Variants in SPOCK1 observed in about 807,000 individuals in gnomAD.
SPOCK1 encodes the protein SPARC (osteonectin), cwcv and kazal like domains proteoglycan 1, also known as testican-1.
SPOCK1 carries 23 observed loss-of-function variants against 55.3 expected under a neutral mutation model. The observed-to-expected ratio is 0.42, with a 90% CI of 0.30 to 0.59. SPOCK1 has a LOEUF of 0.59. Among genes scored for constraint, SPOCK1 ranks in the 20% least tolerant of loss-of-function variants. The pLI is 0.22. For missense variants in SPOCK1, 499 were observed against 552.5 expected, an observed-to-expected ratio of 0.90 and a Z score of 0.97; for synonymous variants, 226 against 221.0, an observed-to-expected ratio of 1.02 and a Z score of -0.20.
At chr5:137,259,818 T>A (rs1053452755) in intron 3 of SPOCK1, among the ~76,000 whole-genome samples, 6 of 152,172 alleles carry the variant, frequency 3.9e-5, no homozygotes, top group Admixed American at 1.3e-4. Flanking sequence ...CAGCTCACAG[T>A]GTCCCATAGG....
intron 6 of SPOCK1, among the ~76,000 whole-genome samples, chr5:137,043,185 A>T (rs559100330): frequency 1.3e-5 from 2 of 152,328 alleles, no homozygotes; most frequent in African/African-American, 4.8e-5. Flanking sequence ...GTGCCAAATG[A>T]CCAAAGCTGG....
chr5:137,058,475 A>G (rs1006755836), intron 6 of SPOCK1, among the ~76,000 whole-genome samples: 1 of 152,270 alleles, frequency 6.6e-6, no homozygotes, highest in South Asian at 2.1e-4. Context: ...TATTTTAAAC[A>G]TTGTATATTA....
chr5:137,444,064 G>A (rs1052699105), intron 2 of SPOCK1, among the ~76,000 whole-genome samples: 1 of 152,152 alleles, frequency 6.6e-6, no homozygotes, highest in Admixed American at 6.5e-5. Context: ...CCCATGAAGA[G>A]CGAGCCTCAG....
chr5:137,152,513 C>A (rs1435484835), intron 3 of SPOCK1, among the ~76,000 whole-genome samples: 1 of 152,186 alleles, frequency 6.6e-6, no homozygotes, highest in Non-Finnish European at 1.5e-5. Flanking sequence ...GGGGCAAAAT[C>A]TTTCTTTTTT....
intron 2 of SPOCK1, among the ~76,000 whole-genome samples, chr5:137,425,024 A>T (rs1158890544): frequency 2.0e-5 from 3 of 152,266 alleles, no homozygotes; most frequent in African/African-American, 7.2e-5. Flanking sequence ...TTATCAATAC[A>T]AGCTTCCCAT....
At chr5:137,442,306 G>A (rs1753032263) in intron 2 of SPOCK1, among the ~76,000 whole-genome samples, 1 of 152,208 alleles carries the variant, frequency 6.6e-6, no homozygotes, top group African/African-American at 2.4e-5. Flanking sequence ...TGCAGGCAAG[G>A]AGGCTCTGAC....
At chr5:137,032,110 C>T (rs1751792743) in intron 6 of SPOCK1, among the ~76,000 whole-genome samples, 2 of 151,064 alleles carry the variant, frequency 1.3e-5, no homozygotes, top group African/African-American at 2.4e-5. Context: ...TCTTTTTTGG[C>T]ATTCTCTACA....
chr5:137,263,291 G>A (rs1432902057), intron 3 of SPOCK1, among the ~76,000 whole-genome samples: 1 of 152,236 alleles, frequency 6.6e-6, no homozygotes, highest in Non-Finnish European at 1.5e-5. Context: ...ATCTTCAAGA[G>A]ATGAGGGTAT....
intron 3 of SPOCK1, among the ~76,000 whole-genome samples, chr5:137,191,346 C>T (rs1248101446): frequency 6.6e-6 from 1 of 152,076 alleles, no homozygotes; most frequent in African/African-American, 2.4e-5. Flanking sequence ...TCTCTTTTTT[C>T]ATAATCTTTG....
At chr5:137,137,977 C>T (rs1049165508) in intron 4 of SPOCK1, among the ~76,000 whole-genome samples, 1 of 152,172 alleles carries the variant, frequency 6.6e-6, no homozygotes, top group African/African-American at 2.4e-5. Context: ...CACACACACA[C>T]ACACAAAATA....
chr5:137,232,380 G>A (rs946478803), intron 3 of SPOCK1, among the ~76,000 whole-genome samples: 7 of 152,094 alleles, frequency 4.6e-5, no homozygotes, highest in Non-Finnish European at 1.0e-4. Context: ...ATGAGGCTTC[G>A]GTCCAGATTC....
intron 2 of SPOCK1, among the ~76,000 whole-genome samples, chr5:137,354,025 T>G (rs1580881647): frequency 1.3e-5 from 2 of 152,282 alleles, no homozygotes; most frequent in Admixed American, 1.3e-4. Flanking sequence ...CATTTGCCCT[T>G]TCCTTTCCAC....
At chr5:137,310,982 G>A (rs1209543305) in intron 2 of SPOCK1, among the ~76,000 whole-genome samples, 1 of 152,178 alleles carries the variant, frequency 6.6e-6, no homozygotes, top group Non-Finnish European at 1.5e-5. Flanking sequence ...CACCCTCTGT[G>A]AGGGAACAGG....
At chr5:137,176,167 A>C (rs1235769173) in intron 3 of SPOCK1, among the ~76,000 whole-genome samples, 4 of 152,214 alleles carry the variant, frequency 2.6e-5, no homozygotes, top group Admixed American at 1.3e-4. Flanking sequence ...CCTAAGATGA[A>C]AAGCACTGAG....
intron 3 of SPOCK1, among the ~76,000 whole-genome samples, chr5:137,239,759 T>A (rs1266505187): frequency 6.6e-6 from 1 of 151,834 alleles, no homozygotes; most frequent in African/African-American, 2.4e-5. Context: ...AAAATCAAGA[T>A]CAAAATAAGA....
chr5:137,129,485 G>A (rs1370807143), intron 4 of SPOCK1, among the ~76,000 whole-genome samples: 1 of 152,182 alleles, frequency 6.6e-6, no homozygotes, highest in African/African-American at 2.4e-5. Flanking sequence ...GAATTCAGAG[G>A]CTAGGGATTT....
intron 2 of SPOCK1, among the ~76,000 whole-genome samples, chr5:137,315,370 G>A (rs993352543): frequency 6.6e-6 from 1 of 152,154 alleles, no homozygotes; most frequent in Non-Finnish European, 1.5e-5. Flanking sequence ...ACCACGTATG[G>A]CGATGGATAG....
intron 2 of SPOCK1, among the ~76,000 whole-genome samples, chr5:137,375,321 C>T (rs570106996): frequency 7.4e-4 from 113 of 152,274 alleles, no homozygotes; most frequent in Non-Finnish European, 1.2e-3. Context: ...AAGGCAGATA[C>T]AGAAGAATAT....
chr5:137,121,382 T>G (rs1354449379), intron 4 of SPOCK1, among the ~76,000 whole-genome samples: 1 of 151,890 alleles, frequency 6.6e-6, no homozygotes, highest in Non-Finnish European at 1.5e-5. Context: ...ATTTCAGGAA[T>G]CCCATGAGCC....
Sources: gnomAD v4.1 joint callset for allele counts (sites outside exome capture counted in the v4.1 genomes callset) on GRCh38, gnomAD v4.1.1 for gene constraint, MANE v1.5 for transcripts, NCBI Gene and HGNC (gene_info 2026-07-23, HGNC 2026-07-21) for gene names.